The following C1orf87 variants were observed in gnomAD, a reference collection of about 807,000 sequenced individuals.
The protein encoded by C1orf87 is chromosome 1 open reading frame 87.
In C1orf87, 58 loss-of-function variants were observed where a neutral mutation model predicts 60.5. The observed-to-expected ratio is 0.96, with a 90% CI of 0.78 to 1.19. The LOEUF (loss-of-function observed/expected upper bound fraction) is 1.19, where lower values mean the gene tolerates loss of function less well. Ranked by LOEUF, C1orf87 falls within the 50% of genes most tolerant of loss-of-function variation. The probability of loss-of-function intolerance (pLI) is 0.00; values close to 1 mark genes in which losing one functional copy is unlikely to be tolerated. For missense variants in C1orf87, 673 were observed against 638.6 expected, an observed-to-expected ratio of 1.05 and a Z score of -0.58; for synonymous variants, 236 against 227.4, an observed-to-expected ratio of 1.04 and a Z score of -0.34.
At chr1:60,020,954 A>G (rs766584581) in intron 8 of C1orf87, among the ~76,000 whole-genome samples, 1 of 152,188 alleles carries the variant, frequency 6.6e-6, no homozygotes, top group Non-Finnish European at 1.5e-5. Context: ...TGATTGGATC[A>G]TGAGGGCAGA....
rs1174702587 is a variant in C1orf87 at position 60,072,653 on chromosome 1, C to CA, written c.-11dup. 10 of 1,589,926 alleles carry CA rather than the reference C, an allele frequency of 6.3e-6. No individual in the cohort carries two copies. The highest frequency in any genetic ancestry group is 5.4e-5 in the African/African-American group (4 of 74,186). ...TCCAGGCTGAAGACATGATTCCTTT[C>CA]AAAATCCCTTCAGATCCCTAGGGGT... is the stretch of plus-strand genomic sequence containing the variant. On this transcript the variant is annotated 5_prime_UTR_variant, in exon 2 of 12. Coordinates refer to ENST00000371201, the MANE Select transcript of C1orf87 (RefSeq NM_152377.3).
chr1:60,046,754 A>G (rs1645374788), intron 3 of C1orf87, among the ~76,000 whole-genome samples: 1 of 152,086 alleles, frequency 6.6e-6, no homozygotes, highest in African/African-American at 2.4e-5. Context: ...TATTTTTAAA[A>G]TGTCTAGTCT....
At chr1:60,017,357 T>A (rs1645130785) in intron 8 of C1orf87, among the ~76,000 whole-genome samples, 1 of 152,182 alleles carries the variant, frequency 6.6e-6, no homozygotes, top group Admixed American at 6.5e-5. Context: ...AATCCTCTGG[T>A]TGTTCCTGGG....
intron 2 of C1orf87, 109 bp downstream of exon 2, chr1:60,072,426 CTT>C (rs781359098): frequency 6.5e-6 from 5 of 769,796 alleles, no homozygotes; most frequent in Non-Finnish European, 1.0e-5. Context: ...ATCTTAATGA[CTT>C]CGTTTTCCAT....
chr1:60,038,171 G>A, intron 5 of C1orf87, 64 bp from the exon 6 acceptor site: 2 of 1,005,434 alleles, frequency 2.0e-6, no homozygotes, highest in Non-Finnish European at 1.4e-6. Context: ...GAGGCCTGTT[G>A]AGATAAAATG....
intron 8 of C1orf87, among the ~76,000 whole-genome samples, chr1:60,012,018 T>C (rs981713882): frequency 2.0e-5 from 3 of 151,996 alleles, no homozygotes; most frequent in African/African-American, 7.2e-5. Flanking sequence ...GCAAGCACTT[T>C]TGAGGAATAT....
In C1orf87 at chr1:60,033,578, CT is replaced by C. The variant is rs1261813911; in HGVS notation, c.926del (p.Lys309ArgfsTer4). On this transcript the variant is annotated frameshift_variant, in exon 7 of 12. Coordinates refer to ENST00000371201, the MANE Select transcript of C1orf87 (RefSeq NM_152377.3). LOFTEE classifies it high-confidence loss of function. ...TGCCATTGGTTGTCCTTAGTGCCAT[CT>C]TCAAAATCTCCAACAGACTCCTGTT... is the stretch of plus-strand genomic sequence containing the variant. ...EVNRSLLEIL[K>X]MALRTTNGRL... 1 of 1,613,468 alleles carries C rather than the reference CT, an allele frequency of 6.2e-7. No individual in the cohort carries two copies. The highest frequency in any genetic ancestry group is 8.5e-7 in the Non-Finnish European group (1 of 1,179,682).
intron 8 of C1orf87, among the ~76,000 whole-genome samples, chr1:60,024,765 T>A (rs1645187086): frequency 6.6e-6 from 1 of 152,196 alleles, no homozygotes. Context: ...CAGGAGTCAT[T>A]GTTCTGTGCT....
Position 60,072,615 on chromosome 1 carries a change from C to G in C1orf87, c.29G>C (p.Gly10Ala). The G allele has an allele frequency of 1.2e-6, 2 of 1,612,826 alleles. No individual in the cohort carries two copies. The highest frequency in any genetic ancestry group is 2.2e-5 in the South Asian group (2 of 91,028). Residue 10 changes from glycine to alanine, a missense_variant, in exon 2 of 12, where the codon GGA becomes GCA. Coordinates refer to ENST00000371201, the MANE Select transcript of C1orf87 (RefSeq NM_152377.3). ...CATGATCTCAGGCATTGCATCTGAT[C>G]CACGGGGAGTCTTCCAGGCTGAAGA... is the stretch of plus-strand genomic sequence containing the variant. Reference protein sequence around the residue: MSSAWKTPRGSDAMPEIMVK... With the variant: MSSAWKTPRASDAMPEIMVK...
intron 2 of C1orf87, 68 bp downstream of exon 2, chr1:60,072,469 G>T (rs946047210): frequency 2.4e-6 from 3 of 1,262,034 alleles, no homozygotes; most frequent in South Asian, 1.4e-5. Context: ...AAATTTCTGG[G>T]TGAAAACAAA....
intron 2 of C1orf87, among the ~76,000 whole-genome samples, chr1:60,064,431 A>C (rs1262368063): frequency 7.1e-6 from 1 of 140,128 alleles, no homozygotes; most frequent in African/African-American, 2.6e-5. Flanking sequence ...GGTGCACATA[A>C]AAGTTATGTT....
intron 9 of C1orf87, among the ~76,000 whole-genome samples, chr1:60,004,054 A>C (rs1645026159): frequency 6.6e-6 from 1 of 152,036 alleles, no homozygotes; most frequent in South Asian, 2.1e-4. Flanking sequence ...TGCTTATTTC[A>C]ACCAATATGT....
intron 7 of C1orf87, among the ~76,000 whole-genome samples, chr1:60,032,741 C>T (rs181742451): frequency 2.2e-4 from 33 of 152,076 alleles, no homozygotes; most frequent in African/African-American, 7.5e-4. Context: ...CCTGGCGAGA[C>T]TCAGTTTTAA....
At chr1:60,072,697 C>T (rs1236792508) in intron 1 of C1orf87, 27 bp from the exon 2 acceptor site, 2 of 1,279,926 alleles carry the variant, frequency 1.6e-6, no homozygotes, top group Non-Finnish European at 2.2e-6. Context: ...GTAAATTGTT[C>T]CTCTTGATTT....
At chr1:60,052,043 T>C (rs983999379) in intron 3 of C1orf87, among the ~76,000 whole-genome samples, 5 of 152,182 alleles carry the variant, frequency 3.3e-5, no homozygotes, top group African/African-American at 1.2e-4. Context: ...TGTCTATTCA[T>C]CTATAAAATA....
At chr1:60,006,726 C>T (rs978841033) in intron 9 of C1orf87, among the ~76,000 whole-genome samples, 10 of 152,018 alleles carry the variant, frequency 6.6e-5, no homozygotes, top group African/African-American at 2.2e-4. Context: ...GGGGCCTAAG[C>T]TCTTTTTATA....
intron 11 of C1orf87, among the ~76,000 whole-genome samples, chr1:59,992,498 TC>T (rs1247826806): frequency 6.6e-6 from 1 of 151,982 alleles, no homozygotes; most frequent in Non-Finnish European, 1.5e-5. Flanking sequence ...CAAGCAACCC[TC>T]CCCCTAATGC....
chr1:60,034,494 A>C (rs1375697600), intron 6 of C1orf87, among the ~76,000 whole-genome samples: 1 of 152,108 alleles, frequency 6.6e-6, no homozygotes, highest in Non-Finnish European at 1.5e-5. Flanking sequence ...TACCCATCTA[A>C]ATTGGGTTTC....
chr1:60,028,951 T>C (rs963843531), intron 7 of C1orf87, among the ~76,000 whole-genome samples: 2 of 152,146 alleles, frequency 1.3e-5, no homozygotes, highest in Non-Finnish European at 2.9e-5. Context: ...CTTCTTCCAT[T>C]CTCACTTGTC....
Sources: allele counts gnomAD v4.1 joint callset (sites outside exome capture counted in the v4.1 genomes callset), GRCh38; gene constraint gnomAD v4.1.1; transcripts MANE v1.5; gene names NCBI Gene and HGNC (gene_info 2026-07-23, HGNC 2026-07-21).